The following TMEM117 variants were observed in gnomAD, a reference collection of about 807,000 sequenced individuals.
TMEM117 encodes transmembrane protein 117.
In TMEM117, 27 loss-of-function variants were observed where a neutral mutation model predicts 52.4. That is an observed-to-expected ratio of 0.51 (90% CI 0.38 to 0.71). The LOEUF (loss-of-function observed/expected upper bound fraction) is 0.71. Ranked by LOEUF, TMEM117 falls within the 30% of genes least tolerant of loss-of-function variation. The probability of loss-of-function intolerance (pLI) is 0.00; values close to 1 mark genes in which losing one functional copy is unlikely to be tolerated. For missense variants in TMEM117, 556 were observed against 630.5 expected (o/e 0.88, Z 1.26); for synonymous variants, 215 against 206.3 (o/e 1.04, Z -0.36).
rs80266465 is a variant in TMEM117, at chr12:43,889,533, C to T, written c.277+44605C>T. On this transcript the variant is annotated intron_variant, in intron 2 of 7. Transcript: ENST00000266534. ...TTGCTCTCCAGCCACTCATCTGCTG[C>T]GCAGTCCAGTTCCTAACAGGCCATG... Among the ~76,000 whole-genome samples, 1,375 of 152,344 alleles carry T rather than the reference C, an allele frequency of 9.0e-3. 26 individuals are homozygous for T. Among genetic ancestry groups the T allele is most frequent in the African/African-American group, 0.028 (1,153 of 41,570 alleles).
chr12:43,874,066 T>G (rs1943751122), intron 2 of TMEM117, among the ~76,000 whole-genome samples: 1 of 152,186 alleles, frequency 6.6e-6, no homozygotes, highest in African/African-American at 2.4e-5. Flanking sequence ...ATTTATTTAT[T>G]CTGTTCTATT....
At chr12:43,975,803 A>T (rs1438620078) in intron 3 of TMEM117, among the ~76,000 whole-genome samples, 1 of 152,200 alleles carries the variant, frequency 6.6e-6, no homozygotes, top group African/African-American at 2.4e-5. Context: ...CTGGAAACCC[A>T]GTGGCTTTGT....
chr12:43,923,202 C>T (rs1157872946), intron 2 of TMEM117, among the ~76,000 whole-genome samples: 1 of 152,056 alleles, frequency 6.6e-6, no homozygotes, highest in Non-Finnish European at 1.5e-5. Flanking sequence ...ACACCTAGGA[C>T]TAGGGAATAG....
intron 3 of TMEM117, among the ~76,000 whole-genome samples, chr12:44,067,846 T>C (rs912391264): frequency 6.6e-6 from 1 of 152,214 alleles, no homozygotes; most frequent in African/African-American, 2.4e-5. Flanking sequence ...GCCAGGCATT[T>C]ATTTCTCTTC....
intron 2 of TMEM117, among the ~76,000 whole-genome samples, chr12:43,871,648 T>G (rs536588282): frequency 9.2e-5 from 14 of 152,368 alleles, no homozygotes; most frequent in African/African-American, 3.4e-4. Context: ...AGGTAAGCCA[T>G]TACAGAGCAG....
intron 3 of TMEM117, among the ~76,000 whole-genome samples, chr12:44,085,377 A>G (rs1318378382): frequency 6.6e-6 from 1 of 152,218 alleles, no homozygotes; most frequent in Non-Finnish European, 1.5e-5. Flanking sequence ...AGAAATGTAG[A>G]TACAGAACAT....
chr12:44,127,257 A>G (rs1481354500), intron 3 of TMEM117, among the ~76,000 whole-genome samples: 1 of 152,198 alleles, frequency 6.6e-6, no homozygotes, highest in East Asian at 1.9e-4. Flanking sequence ...TAAATTATTA[A>G]TATGATTTCT....
chr12:44,121,648 G>C (rs2138139882), intron 3 of TMEM117, among the ~76,000 whole-genome samples: 1 of 152,218 alleles, frequency 6.6e-6, no homozygotes, highest in Non-Finnish European at 1.5e-5. Flanking sequence ...GGCAACAGTA[G>C]CCTATTAGTA....
intron 2 of TMEM117, among the ~76,000 whole-genome samples, chr12:43,935,677 G>C (rs1944940622): frequency 6.6e-6 from 1 of 152,192 alleles, no homozygotes; most frequent in Non-Finnish European, 1.5e-5. Context: ...ATGTAATCCA[G>C]CCCTTTAAAC....
intron 3 of TMEM117, among the ~76,000 whole-genome samples, chr12:43,991,459 ATCTATCTATCTATCTAATCTATCTCTG>A (rs926680194): frequency 6.6e-6 from 1 of 151,436 alleles, no homozygotes; most frequent in African/African-American, 2.4e-5. Context: ...CTATCTATCT[ATCTATCTATCTATCTAATCTATCTCTG>A]TCTATCTATC....
chr12:44,326,766 T>A (rs146674244), intron 6 of TMEM117, among the ~76,000 whole-genome samples: 7 of 152,204 alleles, frequency 4.6e-5, no homozygotes, highest in African/African-American at 1.7e-4. Context: ...CCAGGCCTCA[T>A]TGGGGAACTT....
chr12:44,196,344 TA>T (rs1790613433), intron 4 of TMEM117, among the ~76,000 whole-genome samples: 1 of 151,856 alleles, frequency 6.6e-6, no homozygotes, highest in African/African-American at 2.4e-5. Flanking sequence ...GAAAGGCTAA[TA>T]AAACTAACAA....
chr12:44,174,578 C>G (rs567933382), intron 4 of TMEM117, among the ~76,000 whole-genome samples: 83 of 152,104 alleles, frequency 5.5e-4, no homozygotes, highest in South Asian at 1.2e-3. Context: ...CTTTGAGTAC[C>G]TTTAATAAAG....
chr12:43,932,098 CA>C (rs1944880356), intron 2 of TMEM117, among the ~76,000 whole-genome samples: 1 of 152,102 alleles, frequency 6.6e-6, no homozygotes, highest in Admixed American at 6.6e-5. Flanking sequence ...TTACAGTACA[CA>C]GCACTGGCCA....
the TMEM117 span, among the ~76,000 whole-genome samples, chr12:43,829,494 G>A: frequency 1.3e-5 from 2 of 152,116 alleles, no homozygotes; most frequent in Admixed American, 1.3e-4. Flanking sequence ...AAGAGCTCTC[G>A]AAAGCCAGTA....
chr12:44,028,545 G>A (rs1592454094), intron 3 of TMEM117, among the ~76,000 whole-genome samples: 1 of 152,148 alleles, frequency 6.6e-6, no homozygotes, highest in African/African-American at 2.4e-5. Context: ...AACCAAGATG[G>A]CCACTAGAGT....
chr12:43,875,321 C>A (rs1032219167), intron 2 of TMEM117, among the ~76,000 whole-genome samples: 10 of 151,786 alleles, frequency 6.6e-5, no homozygotes, highest in African/African-American at 2.2e-4. Flanking sequence ...GTGCCGGGAG[C>A]CATCTGACTT....
At chr12:43,856,254 G>T (rs1373244970) in intron 2 of TMEM117, among the ~76,000 whole-genome samples, 6 of 152,108 alleles carry the variant, frequency 3.9e-5, no homozygotes, top group Non-Finnish European at 8.8e-5. Flanking sequence ...TGTTATATTA[G>T]ATACTCATGA....
Position 44,268,215 on chromosome 12 carries a change from G to T in TMEM117, c.609-31365G>T, listed in dbSNP as rs532916460. Among the ~76,000 whole-genome samples the T allele has an allele frequency of 2.0e-5, 3 of 151,456 alleles. No individual in the cohort carries two copies. In the South Asian group the frequency reaches 6.3e-4, roughly 32 times the overall value. On this transcript the variant is annotated intron_variant, in intron 5 of 7. Transcript: ENST00000266534. ...TGCAATGACGTGATCTCGGCTCACT[G>T]CAACCTCTGCCTCCCAGGTTCAAGC...
Sources: allele counts gnomAD v4.1 joint callset (sites outside exome capture counted in the v4.1 genomes callset), GRCh38; gene constraint gnomAD v4.1.1; transcripts MANE v1.5; gene names NCBI Gene and HGNC (gene_info 2026-07-23, HGNC 2026-07-21).